The following FHAD1 variants were observed in gnomAD, a reference collection of about 807,000 sequenced individuals.
FHAD1 encodes the protein forkhead associated phosphopeptide binding domain 1.
FHAD1 carries 146 observed loss-of-function variants against 191.3 expected under a neutral mutation model. That is an observed-to-expected ratio of 0.76 (90% CI 0.67 to 0.88). FHAD1 has a LOEUF of 0.88. FHAD1 is among the 40% of genes least tolerant of loss of function. FHAD1 has a pLI of 0.00. For missense variants in FHAD1, 1,635 were observed against 1,785.8 expected (o/e 0.92, Z 1.52); for synonymous variants, 616 against 672.3 (o/e 0.92, Z 1.29).
chr1:15,324,827 G>A (rs1677712800), intron 11 of FHAD1: 2 of 485,500 alleles, frequency 4.1e-6, no homozygotes, highest in Non-Finnish European at 7.4e-6. Flanking sequence ...CTCGATGCCT[G>A]CCCCCAGTTA....
At chr1:15,314,564 C>T (rs1437903506) in intron 8 of FHAD1, 1 of 152,028 alleles carries the variant, frequency 6.6e-6, no homozygotes, top group Non-Finnish European at 1.5e-5. Context: ...CGAGCAGGGT[C>T]ACCGCCTGGA....
At chr1:15,293,674 T>C (rs577371799) in intron 4 of FHAD1, among the ~76,000 whole-genome samples, 2,068 of 152,220 alleles carry the variant, frequency 0.014, 13 homozygotes, top group African/African-American at 0.021. Flanking sequence ...GCTGAGATTG[T>C]GCCACTGCAC....
chr1:15,265,136 A>G (rs145385906), intron 2 of FHAD1, among the ~76,000 whole-genome samples: 93 of 152,298 alleles, frequency 6.1e-4, no homozygotes, highest in African/African-American at 2.2e-3. Flanking sequence ...TAGTTTTCTT[A>G]TAATGTCTTT....
intron 26 of FHAD1, among the ~76,000 whole-genome samples, chr1:15,371,824 C>T (rs560803090): frequency 3.3e-4 from 51 of 152,348 alleles, no homozygotes; most frequent in African/African-American, 1.1e-3. Flanking sequence ...CCGTACTAAG[C>T]GCAGGCAGGG....
At chr1:15,392,337 C>A (rs1375942877) in intron 33 of FHAD1, among the ~76,000 whole-genome samples, 1 of 152,132 alleles carries the variant, frequency 6.6e-6, no homozygotes, top group Non-Finnish European at 1.5e-5. Flanking sequence ...TCGAGACCAT[C>A]CTGGCTAACA....
rs190484344 is a variant in FHAD1, at chr1:15,310,273, C to T, written c.1039+1537C>T. 3.0e-3 allele frequency among the ~76,000 whole-genome samples: 457 copies of T among 152,290 alleles called. 3 individuals are homozygous for T. The highest frequency in any genetic ancestry group is 0.011 in the African/African-American group (438 of 41,558). ...ATCGCTGTCTCCGCAGGACCCAGGC[C>T]GCCTGGCCGTGGCTTTCCCTCTGCC... is the stretch of plus-strand genomic sequence containing the variant. On this transcript the variant is annotated intron_variant, in intron 7 of 33. Transcript: ENST00000688493.
At position 15,270,841 on chromosome 1, in the gene FHAD1, A is replaced by G. The variant is rs540681806; in HGVS notation, c.94-1482A>G. Among the ~76,000 whole-genome samples, 385 of 150,434 alleles carry G rather than the reference A, an allele frequency of 2.6e-3. 1 individual carries two copies. Among genetic ancestry groups the G allele is most frequent in the African/African-American group, 8.9e-3 (364 of 41,102 alleles). ...CGGATCATGAGGTCAGGAGTTTGAG[A>G]CCAGCCTAGCCAGTATGGTGAAACC... On this transcript the variant is annotated intron_variant, in intron 2 of 33. Coordinates refer to ENST00000688493, the MANE Select transcript of FHAD1 (RefSeq NM_001391957.1).
At chr1:15,290,807 C>A (rs547289876) in intron 4 of FHAD1, among the ~76,000 whole-genome samples, 1 of 151,758 alleles carries the variant, frequency 6.6e-6, no homozygotes, top group African/African-American at 2.4e-5. Flanking sequence ...CTTCTGGGTT[C>A]ACGCCATTCT....
At chr1:15,279,690 A>G (rs1403898684) in intron 3 of FHAD1, among the ~76,000 whole-genome samples, 1 of 152,082 alleles carries the variant, frequency 6.6e-6, no homozygotes, top group African/African-American at 2.4e-5. Context: ...CTAGGAAAAG[A>G]GCAAGCGTCT....
rs1180469670 is a variant in FHAD1 at position 15,251,285 on chromosome 1, AC to A, written c.-14-485del. Among the ~76,000 whole-genome samples the A allele has an allele frequency of 2.1e-3, 226 of 109,928 alleles. 1 individual carries two copies. Among genetic ancestry groups the A allele is most frequent in the African/African-American group, 9.2e-3 (193 of 20,970 alleles). The allele number at this position is 109,928 out of a possible 152,430, so 72.1% of individuals were successfully genotyped here. ...TGAGACCCTGTCTCAAAAAAAAAAA[AC>A]AAAAAAAACCACCCATTTTATAGAT... On this transcript the variant is annotated intron_variant, in intron 1 of 33. Transcript: ENST00000688493.
upstream of FHAD1, among the ~76,000 whole-genome samples, chr1:15,245,574 A>G (rs1752021): frequency 0.78 from 118,789 of 152,160 alleles, 46,547 homozygotes; most frequent in East Asian, 0.86. Flanking sequence ...TGGGAAGCTG[A>G]GCTTGACCCT....
intron 31 of FHAD1, among the ~76,000 whole-genome samples, chr1:15,385,308 G>A (rs577183244): frequency 2.6e-5 from 4 of 151,938 alleles, no homozygotes; most frequent in African/African-American, 9.7e-5. Flanking sequence ...ACAAAGAGTC[G>A]ATTTTTTTCC....
intron 2 of FHAD1, among the ~76,000 whole-genome samples, chr1:15,263,052 G>C (rs1438953827): frequency 6.6e-6 from 1 of 152,164 alleles, no homozygotes; most frequent in Non-Finnish European, 1.5e-5. Context: ...TTAATGATTT[G>C]TGATCTTGAG....
intron 25 of FHAD1, among the ~76,000 whole-genome samples, chr1:15,368,777 A>G (rs1047608218): frequency 4.6e-5 from 7 of 152,204 alleles, no homozygotes; most frequent in Non-Finnish European, 1.0e-4. Context: ...CCCTGTCTCT[A>G]CTAAAAATAC....
rs1472838429 is a variant in FHAD1 at position 15,247,270 on chromosome 1, C to T, written c.-140C>T. On this transcript the variant is annotated 5_prime_UTR_variant, in exon 1 of 34. Coordinates refer to ENST00000688493, the MANE Select transcript of FHAD1 (RefSeq NM_001391957.1). ...ACAGGCCGGCCGGGCGGGCGGGGTG[C>T]CGGGTGCGAGCTGGAGACTCCGCGG... 2 of 182,472 alleles carry T rather than the reference C, an allele frequency of 1.1e-5. No homozygotes were observed. Among genetic ancestry groups the T allele is most frequent in the South Asian group, 6.7e-5 (1 of 14,820 alleles). 11.3% of individuals were successfully genotyped at this position (182,472 alleles called of 1,614,324 possible). A position where few individuals can be genotyped will look rare whatever the true frequency, so the allele number is the denominator to read the frequency against.
chr1:15,322,032 ATC>A (rs1284689049), intron 10 of FHAD1, among the ~76,000 whole-genome samples: 2 of 152,108 alleles, frequency 1.3e-5, no homozygotes, highest in Non-Finnish European at 2.9e-5. Flanking sequence ...CCATTGTATA[ATC>A]TTTTTGTATT....
At chr1:15,304,908 G>A (rs995895534) in intron 6 of FHAD1, among the ~76,000 whole-genome samples, 3 of 151,898 alleles carry the variant, frequency 2.0e-5, no homozygotes, top group African/African-American at 7.2e-5. Context: ...CAGACTGTGA[G>A]CGCCACCTGG....
At chr1:15,274,379 G>A (rs1190578660) in intron 3 of FHAD1, among the ~76,000 whole-genome samples, 2 of 152,078 alleles carry the variant, frequency 1.3e-5, no homozygotes, top group African/African-American at 4.8e-5. Context: ...AGGCCGAGCC[G>A]GGCAGATTGC....
intron 33 of FHAD1, among the ~76,000 whole-genome samples, chr1:15,392,373 A>G (rs1212149659): frequency 6.6e-6 from 1 of 152,286 alleles, no homozygotes; most frequent in Admixed American, 6.5e-5. Flanking sequence ...TTTACTAAAA[A>G]TACAAAAAAT....
Sources: allele counts gnomAD v4.1 joint callset (sites outside exome capture counted in the v4.1 genomes callset), GRCh38; gene constraint gnomAD v4.1.1; transcripts MANE v1.5; gene names NCBI Gene and HGNC (gene_info 2026-07-23, HGNC 2026-07-21).